Variants in FYCO1 observed in about 807,000 individuals in gnomAD.
The protein encoded by FYCO1 is FYVE and coiled-coil domain-containing protein 1.
A neutral mutation model predicts 165.1 loss-of-function variants in FYCO1; 122 were observed. The ratio of observed to expected loss-of-function variants is 0.74; its 90% CI spans 0.64 to 0.86. The LOEUF is 0.86. Ranked by LOEUF, FYCO1 falls within the 40% of genes least tolerant of loss-of-function variation. The pLI, the probability that FYCO1 is intolerant of heterozygous loss-of-function variation, is 0.00. For missense variants in FYCO1, 1,702 were observed against 1,810.3 expected, an observed-to-expected ratio of 0.94 and a Z score of 1.09; for synonymous variants, 648 against 742.5, an observed-to-expected ratio of 0.87 and a Z score of 2.07.
At position 45,962,125 on chromosome 3, in the gene FYCO1, G is replaced by A. The variant is rs1705727181; in HGVS notation, c.3437+100C>T. The A allele has an allele frequency of 7.6e-7, 1 of 1,318,908 alleles. No homozygotes were observed. The highest frequency in any genetic ancestry group is 1.4e-5 in the African/African-American group (1 of 69,262). 81.7% of individuals were successfully genotyped at this position (1,318,908 alleles called of 1,614,324 possible). ...CTCCTGAGACAGCAGCAAGAAAGTGGGGAAATTTCTGAAGTATGCTTTCAA... is the reference window on the plus strand; with the variant it reads ...CTCCTGAGACAGCAGCAAGAAAGTGAGGAAATTTCTGAAGTATGCTTTCAA... On this transcript the variant is annotated intron_variant, in intron 11 of 17. Transcript: ENST00000296137. This position sits in a 1 kb window ranked among gnomAD's most constrained non-coding sequence, Gnocchi z 4.4.
chr3:45,986,909 G>T (rs916482446), intron 1 of FYCO1, among the ~76,000 whole-genome samples: 1 of 152,134 alleles, frequency 6.6e-6, no homozygotes, highest in Non-Finnish European at 1.5e-5. Context: ...GCAGGCTGGG[G>T]ATACAGAGGC....
At chr3:45,992,602 T>C (rs745624378) in intron 1 of FYCO1, among the ~76,000 whole-genome samples, 12 of 152,214 alleles carry the variant, frequency 7.9e-5, no homozygotes, top group African/African-American at 1.4e-4. Context: ...GGGGAAGTCA[T>C]TTGACCTCTT....
chr3:45,935,943 A>G (rs902546074), intron 15 of FYCO1, among the ~76,000 whole-genome samples: 16 of 152,198 alleles, frequency 1.1e-4, no homozygotes, highest in African/African-American at 3.9e-4. Context: ...ACTCGATGAT[A>G]TGGGAAAATA....
chr3:45,964,090 G>A lies in FYCO1; in HGVS notation c.3269+246C>T, dbSNP rs1028444594. ...CCAAAGCTTGCAGTTACTGAAGTAT[G>A]ATATGCACTGCCAGAGAGAAGAAAA... On this transcript the variant is annotated intron_variant, in intron 10 of 17. Coordinates refer to ENST00000296137, the MANE Select transcript of FYCO1 (RefSeq NM_024513.4). This position sits in a 1 kb window ranked among gnomAD's most constrained non-coding sequence, Gnocchi z 4.1. 1.3e-5 allele frequency among the ~76,000 whole-genome samples: 2 copies of A among 152,164 alleles called. No individual in the cohort carries two copies. Among genetic ancestry groups the A allele is most frequent in the Non-Finnish European group, 2.9e-5 (2 of 68,026 alleles).
Position 45,968,204 on chromosome 3 carries a change from T to G in FYCO1, c.1130A>C (p.Gln377Pro). ...SFPGWLAMAQ[Q>P]KADTASDTKG... ...TGTGTCTGATGCCGTATCTGCCTTCTGCTGAGCCATGGCTAGCCAGCCTGG... is the reference window on the plus strand; with the variant it reads ...TGTGTCTGATGCCGTATCTGCCTTCGGCTGAGCCATGGCTAGCCAGCCTGG... Residue 377 changes from glutamine to proline, a missense_variant, in exon 8 of 18, where the codon CAG becomes CCG. By Grantham distance (76) the Gln-to-Pro change is moderately conservative (BLOSUM62 -1). Coordinates refer to ENST00000296137, the MANE Select transcript of FYCO1 (RefSeq NM_024513.4). 6.2e-7 allele frequency: 1 copy of G among 1,613,958 alleles called. No individual in the cohort carries two copies. The highest frequency in any genetic ancestry group is 2.2e-5 in the East Asian group (1 of 44,888).
chr3:45,951,795 T>C lies in FYCO1; in HGVS notation c.3944+3454A>G, dbSNP rs531117682. The stretch of plus-strand genomic sequence containing the variant: ...GCACAGGGACCACTAGGAGGTTGCT[T>C]AGGGAGTCCCAGCATCAGGCCACAT... On this transcript the variant is annotated intron_variant, in intron 14 of 17. Transcript: ENST00000296137. Among the ~76,000 whole-genome samples the C allele has an allele frequency of 2.0e-5, 3 of 152,222 alleles. No individual in the cohort carries two copies. The South Asian group carries it at 6.2e-4, about 32-fold the overall frequency.
intron 14 of FYCO1, among the ~76,000 whole-genome samples, chr3:45,937,896 A>G (rs1438223567): frequency 6.6e-6 from 1 of 152,182 alleles, no homozygotes; most frequent in Non-Finnish European, 1.5e-5. Context: ...ACATCAGTGC[A>G]AGAAGCTGCT....
intron 1 of FYCO1, among the ~76,000 whole-genome samples, chr3:45,991,973 C>G (rs1444128934): frequency 6.6e-6 from 1 of 152,136 alleles, no homozygotes; most frequent in African/African-American, 2.4e-5. Flanking sequence ...GGATGCGGAG[C>G]ACAGAGGAAA....
At chr3:45,931,341 C>G (rs1703616420) in intron 15 of FYCO1, 60 bp from the exon 16 acceptor site, 1 of 1,516,902 alleles carries the variant, frequency 6.6e-7, no homozygotes, top group African/African-American at 1.4e-5. Context: ...TGTCCACTGG[C>G]CAGGTCATCT....
At chr3:45,933,291 A>T (rs893532929) in intron 15 of FYCO1, among the ~76,000 whole-genome samples, 1 of 152,186 alleles carries the variant, frequency 6.6e-6, no homozygotes, top group African/African-American at 2.4e-5. Context: ...CCAACCTTTA[A>T]CATGTTTTCA....
At chr3:45,946,875 G>A in intron 14 of FYCO1, 1 of 1,614,222 alleles carries the variant, frequency 6.2e-7, no homozygotes, top group Non-Finnish European at 8.5e-7. Context: ...CATTGTAGTG[G>A]TTAAGGCCAC....
At chr3:45,972,503 C>G (rs909058028) in intron 6 of FYCO1, among the ~76,000 whole-genome samples, 9 of 152,182 alleles carry the variant, frequency 5.9e-5, no homozygotes, top group Admixed American at 4.6e-4. Context: ...TGTCCCAGGC[C>G]TGCTGCCCAC....
chr3:45,981,722 TCAGA>T (rs1322748427), intron 2 of FYCO1, 46 bp from the exon 3 acceptor site: 1 of 1,312,844 alleles, frequency 7.6e-7, no homozygotes, highest in African/African-American at 1.4e-5. Flanking sequence ...GTGACTAAAC[TCAGA>T]CAGAGAAGCA....
At chr3:45,940,574 A>C (rs1007529994) in intron 14 of FYCO1, among the ~76,000 whole-genome samples, 1 of 152,216 alleles carries the variant, frequency 6.6e-6, no homozygotes, top group Non-Finnish European at 1.5e-5. Context: ...GGGGAGAAGA[A>C]ACATAAACCC....
At position 45,973,196 on chromosome 3, in the gene FYCO1, G is replaced by T. The variant is rs760212142; in HGVS notation, c.431C>A (p.Pro144Gln). 5 of 1,614,164 alleles carry T rather than the reference G, an allele frequency of 3.1e-6. No homozygotes were observed. The highest frequency in any genetic ancestry group is 4.2e-6 in the Non-Finnish European group (5 of 1,180,004). ...GCCCACAATGTCCGAGCTCAGCTTT[G>T]GCTGCAGAAAGGGGCTTCTTGCATA... is the stretch of plus-strand genomic sequence containing the variant. ...WYYARSPFLQ[P>Q]KLSSDIVGQL... Residue 144 changes from proline to glutamine, a missense_variant, in exon 6 of 18, where the codon CCA (proline) becomes CAA (glutamine). Pro to Gln is a moderately conservative substitution (Grantham distance 76, BLOSUM62 -1). Transcript: ENST00000296137.
At chr3:45,965,188 C>T (rs1264927735) in intron 8 of FYCO1, 63 bp from the exon 9 acceptor site, 7 of 1,260,062 alleles carry the variant, frequency 5.6e-6, no homozygotes, top group Non-Finnish European at 8.1e-6. Context: ...GATCCCTCAG[C>T]CCCCTCACCC....
At position 45,966,282 on chromosome 3, in the gene FYCO1, G is replaced by T; in HGVS notation, c.3052C>A (p.Leu1018Ile). 5 of 1,613,898 alleles carry T rather than the reference G, an allele frequency of 3.1e-6. No homozygotes were observed. The highest frequency in any genetic ancestry group is 4.2e-6 in the Non-Finnish European group (5 of 1,180,016). Reference sequence around the variant, plus strand: ...GTGGTTGAAGCTAGGATTACCTTAAGTCTGCTCTGGTAGTCCATGATTTCA... The same window carrying T: ...GTGGTTGAAGCTAGGATTACCTTAATTCTGCTCTGGTAGTCCATGATTTCA... ...SAEIMDYQSR[L>I]KNAGEECKSL... is the part of the protein sequence containing the mutation. The change falls in exon 8 of 18, where the codon CTT becomes ATT. Residue 1018 changes from leucine to isoleucine, a missense_variant. By Grantham distance (5) the Leu-to-Ile change is conservative. Coordinates refer to ENST00000296137, the MANE Select transcript of FYCO1 (RefSeq NM_024513.4).
chr3:45,967,145 A>G lies in FYCO1; in HGVS notation c.2189T>C (p.Leu730Pro). 6.2e-7 allele frequency: 1 copy of G among 1,613,566 alleles called. No homozygotes were observed. The highest frequency in any genetic ancestry group is 8.5e-7 in the Non-Finnish European group (1 of 1,179,682). The change falls in exon 8 of 18, where the codon CTT (leucine) becomes CCT (proline). Residue 730 changes from leucine (L) to proline (P), a missense_variant. Leu to Pro is a moderately conservative substitution (Grantham distance 98). Transcript: ENST00000296137. ...CTGGCACTGGCTCTCGAGAGCCCTA[A>G]GCTCTCTGTGCCGGGCTTCTGCCAG... ...QQLAEARHRE[L>P]RALESQCQQQ... is the part of the protein sequence containing the mutation.
At chr3:45,922,826 C>T (rs1196507972) in intron 17 of FYCO1, among the ~76,000 whole-genome samples, 1 of 152,206 alleles carries the variant, frequency 6.6e-6, no homozygotes, top group Non-Finnish European at 1.5e-5. Context: ...AGTACCCATG[C>T]TGGGGATGTG....
Sources: gnomAD v4.1 joint callset for allele counts (sites outside exome capture counted in the v4.1 genomes callset) on GRCh38, gnomAD v4.1.1 for gene constraint, Gnocchi (gnomAD v3.1) non-coding constraint, MANE v1.5 for transcripts, NCBI Gene and HGNC (gene_info 2026-07-23, HGNC 2026-07-21) for gene names.